ILRUN: variants seen among roughly 807,000 people sequenced by gnomAD.
ILRUN encodes protein ILRUN.
ILRUN carries 3 observed loss-of-function variants against 33.8 expected under a neutral mutation model. That is an observed-to-expected ratio of 0.09 (90% CI 0.04 to 0.23). The LOEUF (loss-of-function observed/expected upper bound fraction) is 0.23. Ranked by LOEUF, ILRUN falls within the 10% of genes least tolerant of loss-of-function variation. The probability of loss-of-function intolerance (pLI) is 1.00; values close to 1 mark genes in which losing one functional copy is unlikely to be tolerated. For synonymous variants in ILRUN, 124 were observed against 138.9 expected, an observed-to-expected ratio of 0.89 and a Z score of 0.75; for missense variants, 210 against 375.1, an observed-to-expected ratio of 0.56 and a Z score of 3.64.
intron 3 of ILRUN, among the ~76,000 whole-genome samples, chr6:34,641,078 C>CAA (rs752197549): frequency 0.081 from 6,248 of 76,740 alleles, 349 homozygotes; most frequent in East Asian, 0.36. Context: ...GACTCCATCT[C>CAA]AAAAAAAAAA....
rs575672809 is a variant in ILRUN, at chr6:34,670,094, G to A, written c.159-15315C>T. On this transcript the variant is annotated intron_variant, in intron 1 of 4. Coordinates refer to ENST00000374023, the MANE Select transcript of ILRUN (RefSeq NM_024294.4). ...ACCCAGCTAATTTTTTGTATTTTTA[G>A]TAGAGACAGGGTTTCACCATGTTGG... Among the ~76,000 whole-genome samples, 156 of 152,180 alleles carry A rather than the reference G, an allele frequency of 1.0e-3. 4 individuals are homozygous for A. The highest frequency in any genetic ancestry group is 3.4e-3 in the Middle Eastern group (1 of 294).
intron 3 of ILRUN, among the ~76,000 whole-genome samples, chr6:34,641,134 A>G (rs542834657): frequency 6.6e-6 from 1 of 151,858 alleles, no homozygotes; most frequent in East Asian, 1.9e-4. Flanking sequence ...AAAAACAGAA[A>G]CCTCCAAAAA....
chr6:34,646,498 C>T lies in ILRUN; in HGVS notation c.511+103G>A. 1.8e-6 allele frequency: 2 copies of T among 1,081,444 alleles called. No homozygotes were observed. The highest frequency in any genetic ancestry group is 2.7e-6 in the Non-Finnish European group (2 of 741,412). The allele number at this position is 1,081,444 out of a possible 1,614,324, so 67.0% of individuals were successfully genotyped here. A position where few individuals can be genotyped will look rare whatever the true frequency, so the allele number is the denominator to read the frequency against. On this transcript the variant is annotated intron_variant, in intron 3 of 4. Coordinates refer to ENST00000374023, the MANE Select transcript of ILRUN (RefSeq NM_024294.4). This position sits in a 1 kb window ranked among gnomAD's most constrained non-coding sequence, Gnocchi z 4.9. ...CATGAGGTGACTGTTAAAAAGAGGC[C>T]ATGCCCTGTTATGCAATTTGACAGG...
At chr6:34,628,583 C>T (rs1369757192) in intron 3 of ILRUN, among the ~76,000 whole-genome samples, 2 of 151,926 alleles carry the variant, frequency 1.3e-5, no homozygotes, top group Non-Finnish European at 2.9e-5. Flanking sequence ...CCGCCCGCCT[C>T]GGCCTCCCAA....
At chr6:34,683,383 CTG>C (rs1282323310) in intron 1 of ILRUN, among the ~76,000 whole-genome samples, 1 of 140,504 alleles carries the variant, frequency 7.1e-6, no homozygotes, top group Non-Finnish European at 1.5e-5. Flanking sequence ...ATAGAAAATT[CTG>C]TTATATATAT....
intron 3 of ILRUN, among the ~76,000 whole-genome samples, chr6:34,617,929 G>C (rs1761932094): frequency 1.3e-5 from 2 of 152,284 alleles, no homozygotes; most frequent in South Asian, 4.1e-4. Context: ...GCACTGATAG[G>C]AGAACTGAAG....
rs189751100 is a variant in ILRUN, at chr6:34,660,183, G to C, written c.159-5404C>G. ...CCAGGCATGGTGGCATACACCTATAGTCCCAGCCACTCAGGGGGCTGAAGT... is the reference window on the plus strand; with the variant it reads ...CCAGGCATGGTGGCATACACCTATACTCCCAGCCACTCAGGGGGCTGAAGT... On this transcript the variant is annotated intron_variant, in intron 1 of 4. Coordinates refer to ENST00000374023, the MANE Select transcript of ILRUN (RefSeq NM_024294.4). Among the ~76,000 whole-genome samples, 3 of 151,506 alleles carry C rather than the reference G, an allele frequency of 2.0e-5. No individual in the cohort carries two copies. In the South Asian group the frequency reaches 6.3e-4, roughly 32 times the overall value.
chr6:34,605,569 C>A (rs1761612254), intron 4 of ILRUN, among the ~76,000 whole-genome samples: 1 of 152,114 alleles, frequency 6.6e-6, no homozygotes, highest in Non-Finnish European at 1.5e-5. Flanking sequence ...GTGGAGGTTG[C>A]AGTCAGCCGA....
At chr6:34,645,163 C>G (rs1762541921) in intron 3 of ILRUN, among the ~76,000 whole-genome samples, 1 of 152,220 alleles carries the variant, frequency 6.6e-6, no homozygotes, top group Middle Eastern at 3.2e-3. Context: ...AAAGTTCCCA[C>G]TGGCCCACAG....
chr6:34,682,041 C>CTTTTTTTTTTTTTTTTTTTTTT (rs552894159), intron 1 of ILRUN, among the ~76,000 whole-genome samples: 1 of 90,568 alleles, frequency 1.1e-5, no homozygotes, highest in African/African-American at 4.2e-5. Flanking sequence ...TATTTTTTTA[C>CTTTTTTTTTTTTTTTTTTTTTT]TTTTTTTTTT....
intron 1 of ILRUN, among the ~76,000 whole-genome samples, chr6:34,670,301 A>G (rs773408587): frequency 1.2e-4 from 19 of 152,170 alleles, no homozygotes; most frequent in Non-Finnish European, 2.2e-4. Flanking sequence ...GGCAGAAAAA[A>G]ATCTTACTGG....
intron 2 of ILRUN, among the ~76,000 whole-genome samples, chr6:34,649,340 T>C (rs533043129): frequency 2.0e-5 from 3 of 152,190 alleles, no homozygotes; most frequent in South Asian, 4.1e-4. Context: ...ACCTGAAATC[T>C]GAGTTCGAGA....
At chr6:34,682,703 G>A (rs1467425555) in intron 1 of ILRUN, among the ~76,000 whole-genome samples, 1 of 151,168 alleles carries the variant, frequency 6.6e-6, no homozygotes, top group Non-Finnish European at 1.5e-5. Flanking sequence ...CAAACTCCTA[G>A]ACTCACACAA....
At chr6:34,623,646 C>G (rs1368277745) in intron 3 of ILRUN, among the ~76,000 whole-genome samples, 1 of 152,020 alleles carries the variant, frequency 6.6e-6, no homozygotes, top group Non-Finnish European at 1.5e-5. Context: ...TAAGGATATG[C>G]AGGAAATCAA....
At chr6:34,647,363 C>T (rs2127360349) in intron 2 of ILRUN, among the ~76,000 whole-genome samples, 1 of 152,226 alleles carries the variant, frequency 6.6e-6, no homozygotes, top group South Asian at 2.1e-4. Context: ...CAAGAGACCA[C>T]ATGAATATAA....
intron 1 of ILRUN, among the ~76,000 whole-genome samples, chr6:34,660,020 C>T (rs557700231): frequency 4.6e-5 from 7 of 152,054 alleles, no homozygotes; most frequent in African/African-American, 1.7e-4. Context: ...GAAAACCAGG[C>T]CAGGTGTGGT....
At chr6:34,693,749 C>T (rs1285101368) in intron 1 of ILRUN, among the ~76,000 whole-genome samples, 4 of 151,548 alleles carry the variant, frequency 2.6e-5, no homozygotes, top group South Asian at 2.1e-4. Flanking sequence ...TCACTGCAAG[C>T]TCCGCCTCCT....
chr6:34,603,469 C>A (rs1009516238), intron 4 of ILRUN, among the ~76,000 whole-genome samples: 1 of 152,166 alleles, frequency 6.6e-6, no homozygotes, highest in Non-Finnish European at 1.5e-5. Context: ...CCCGTCTCTA[C>A]TAAAAAATGC....
At chr6:34,640,618 A>C (rs1762455355) in intron 3 of ILRUN, among the ~76,000 whole-genome samples, 1 of 151,000 alleles carries the variant, frequency 6.6e-6, no homozygotes, top group Admixed American at 6.6e-5. Context: ...GCTGAGGCAG[A>C]AGAATTGCTT....
Sources: gnomAD v4.1 joint callset for allele counts (sites outside exome capture counted in the v4.1 genomes callset) on GRCh38, gnomAD v4.1.1 for gene constraint, Gnocchi (gnomAD v3.1) non-coding constraint, MANE v1.5 for transcripts, NCBI Gene and HGNC (gene_info 2026-07-23, HGNC 2026-07-21) for gene names.